The following DPAGT1 variants were observed in gnomAD, a reference collection of about 807,000 sequenced individuals.
The protein encoded by DPAGT1 is dolichyl-phosphate N-acetylglucosaminephosphotransferase 1.
In DPAGT1, 25 loss-of-function variants were observed where a neutral mutation model predicts 39.3. The observed-to-expected ratio is 0.64, with a 90% confidence interval of 0.46 to 0.89. The LOEUF (loss-of-function observed/expected upper bound fraction) is 0.89. DPAGT1 is among the 40% of genes least tolerant of loss of function. The probability of loss-of-function intolerance (pLI) is 0.00; values close to 1 mark genes in which losing one functional copy is unlikely to be tolerated. For synonymous variants in DPAGT1, 193 were observed against 201.4 expected, an observed-to-expected ratio of 0.96 and a Z score of 0.36; for missense variants, 381 against 500.6, an observed-to-expected ratio of 0.76 and a Z score of 2.28.
At position 119,097,285 on chromosome 11, in the gene DPAGT1, G is replaced by A. The variant is rs376996734; in HGVS notation, c.1018C>T (p.Leu340Phe). The A allele has an allele frequency of 5.6e-6, 9 of 1,614,092 alleles. No individual in the cohort carries two copies. The South Asian group carries it at 6.6e-5, about 12-fold the overall frequency. Residue 340 changes from leucine (L) to phenylalanine (F), a missense_variant, in exon 8 of 9, where the codon CTC becomes TTC. Coordinates refer to ENST00000354202, the MANE Select transcript of DPAGT1 (RefSeq NM_001382.4). This position sits in a 1 kb window ranked among gnomAD's most constrained non-coding sequence, Gnocchi z 4.6. The part of the protein sequence containing the change: ...GTFILKVAES[L>F]QLVTVHQSET... The stretch of plus-strand genomic sequence containing the variant: ...CTCTGGTGTACTGTCACCAGCTGGA[G>A]GCTCTCTGCCACCTGGAGGGACCAG...
In DPAGT1 at chr11:119,101,594, C is replaced by T; in HGVS notation, c.62G>A (p.Gly21Glu). The change falls in exon 1 of 9, where the codon GGA becomes GAA. Residue 21 changes from glycine to glutamate, a missense_variant. Physicochemically the swap from Gly to Glu is moderately conservative, Grantham distance 98. Transcript: ENST00000354202. ...GATGAGGGTGACTGTGGCCACAAATCCCAGCAGCGAGACGATCAAATTGAT... is the reference window on the plus strand; with the variant it reads ...GATGAGGGTGACTGTGGCCACAAATTCCAGCAGCGAGACGATCAAATTGAT... The part of the protein sequence containing the change: ...LLINLIVSLL[G>E]FVATVTLIPA... 6.2e-7 allele frequency: 1 copy of T among 1,614,270 alleles called. No individual in the cohort carries two copies. The highest frequency in any genetic ancestry group is 1.1e-5 in the South Asian group (1 of 91,090).
downstream of DPAGT1, chr11:119,095,320 C>T (rs1458536472): frequency 3.7e-6 from 6 of 1,606,480 alleles, no homozygotes; most frequent in South Asian, 1.1e-5. Context: ...CCACTGGGAA[C>T]TGGAGGCCGG....
chr11:119,094,757 G>T, downstream of DPAGT1: 2 of 541,334 alleles, frequency 3.7e-6, no homozygotes, highest in South Asian at 2.7e-5. Context: ...GACGCGGCAG[G>T]CGGTGCGGGA....
Position 119,101,568 on chromosome 11 carries a change from G to A in DPAGT1, c.88C>T (p.Pro30Ser), listed in dbSNP as rs1393162163. 1 of 1,614,254 alleles carries A rather than the reference G, an allele frequency of 6.2e-7. No individual in the cohort carries two copies. The highest frequency in any genetic ancestry group is 8.5e-7 in the Non-Finnish European group (1 of 1,180,050). The change falls in exon 1 of 9, where the codon CCG becomes TCG. Residue 30 changes from proline (P) to serine (S), a missense_variant. Coordinates refer to ENST00000354202, the MANE Select transcript of DPAGT1 (RefSeq NM_001382.4). ...GCAATGAAGTGGCCCCGGAAGGCCG[G>A]GATGAGGGTGACTGTGGCCACAAAT... is the stretch of plus-strand genomic sequence containing the variant. ...LGFVATVTLIPAFRGHFIAAR... is the reference protein window; with the variant it reads ...LGFVATVTLISAFRGHFIAAR...
At chr11:119,100,080 G>A (rs1485387364) in intron 4 of DPAGT1, among the ~76,000 whole-genome samples, 182 bp downstream of exon 4, 2 of 152,078 alleles carry the variant, frequency 1.3e-5, no homozygotes, top group Non-Finnish European at 2.9e-5. Flanking sequence ...TAAATGACAG[G>A]GCTACTATTT....
At position 119,097,186 on chromosome 11, in the gene DPAGT1, G is replaced by A. The variant is rs1210999092; in HGVS notation, c.1117C>T (p.Pro373Ser). Residue 373 changes from proline to serine, a missense_variant, in exon 8 of 9, where the codon CCC (proline) becomes TCC (serine). Transcript: ENST00000354202. The surrounding 1 kb of genome is among the most constrained non-coding windows in gnomAD (Gnocchi z 4.6). ...AATGTGAGGTTTCTCTCATGTATGG[G>A]CCCAAGGACTTTAAGTAGCAAGTTG... is the stretch of plus-strand genomic sequence containing the variant. ...LINLLLKVLG[P>S]IHERNLTLLL... 4 of 1,614,152 alleles carry A rather than the reference G, an allele frequency of 2.5e-6. No individual in the cohort carries two copies. Among genetic ancestry groups the A allele is most frequent in the Non-Finnish European group, 2.5e-6 (3 of 1,180,010 alleles).
rs1313574453 is a variant in DPAGT1, at chr11:119,100,337, T to C, written c.568A>G (p.Ile190Val). The change falls in exon 4 of 9, where the codon ATT becomes GTT. Residue 190 changes from isoleucine (I) to valine (V), a missense_variant. By Grantham distance (29) the Ile-to-Val change is conservative (BLOSUM62 3). Transcript: ENST00000354202. ...CTNAINILAG[I>V]NGLEAGQSLV... Reference sequence around the variant, plus strand: ...GACTGGCCAGCCTCTAGGCCGTTAATTCCTGCTAGGATATTGATGGCATTG... The same window carrying C: ...GACTGGCCAGCCTCTAGGCCGTTAACTCCTGCTAGGATATTGATGGCATTG... The C allele has an allele frequency of 6.2e-7, 1 of 1,614,222 alleles. No homozygotes were observed. The highest frequency in any genetic ancestry group is 1.3e-5 in the African/African-American group (1 of 75,050).
rs1391922427 is a variant in DPAGT1 at position 119,101,058 on chromosome 11, C to A, written c.242G>T (p.Cys81Phe). ...FCFIPFPFLN[C>F]FVKEQCKAFP... ...TGCCTTACACTGCTCCTTCACAAAG[C>A]AGTTCAGGAAGGGGAAAGGGATGAA... Residue 81 changes from cysteine (C) to phenylalanine (F), a missense_variant, in exon 2 of 9, where the codon TGC becomes TTC. Coordinates refer to ENST00000354202, the MANE Select transcript of DPAGT1 (RefSeq NM_001382.4). 7 of 1,614,144 alleles carry A rather than the reference C, an allele frequency of 4.3e-6. No individual in the cohort carries two copies. Among genetic ancestry groups the A allele is most frequent in the Non-Finnish European group, 5.9e-6 (7 of 1,180,038 alleles).
rs1442294688 is a variant in DPAGT1, at chr11:119,100,279, T to G, written c.626A>C (p.Asn209Thr). 1 of 1,614,172 alleles carries G rather than the reference T, an allele frequency of 6.2e-7. No individual in the cohort carries two copies. The highest frequency in any genetic ancestry group is 8.5e-7 in the Non-Finnish European group (1 of 1,180,032). Residue 209 changes from asparagine (N) to threonine (T), a missense_variant, in exon 4 of 9, where the codon AAC becomes ACC. Asn to Thr is a moderately conservative substitution (Grantham distance 65). Coordinates refer to ENST00000354202, the MANE Select transcript of DPAGT1 (RefSeq NM_001382.4). ...LVISASIIVF[N>T]LVELEGDCRD... The stretch of plus-strand genomic sequence containing the variant: ...CCACCTACCTTCCAACTCTACCAGG[T>G]TGAAGACAATGATGGAAGCAGAAAT...
intron 5 of DPAGT1, 149 bp from the exon 6 acceptor site, chr11:119,098,192 G>T: frequency 8.3e-7 from 1 of 1,199,692 alleles, no homozygotes; most frequent in Non-Finnish European, 1.2e-6. Flanking sequence ...AGGATCCAAG[G>T]CCCTGAATTC....
Position 119,101,685 on chromosome 11 carries a change from C to G in DPAGT1, c.-30G>C. 1 of 1,614,150 alleles carries G rather than the reference C, an allele frequency of 6.2e-7. No individual in the cohort carries two copies. Among genetic ancestry groups the G allele is most frequent in the Non-Finnish European group, 8.5e-7 (1 of 1,180,008 alleles). On this transcript the variant is annotated 5_prime_UTR_variant, in exon 1 of 9. Transcript: ENST00000354202. ...ACCGGTCAGGGGCCCGGCTCCGCCG[C>G]CTCTTCAGGTAACGGGCAAGCTGAG...
In DPAGT1 at chr11:119,100,728, G is replaced by C. The variant is rs1315559074; in HGVS notation, c.398C>G (p.Ser133Ter). 1.2e-6 allele frequency: 2 copies of C among 1,614,198 alleles called. No homozygotes were observed. The highest frequency in any genetic ancestry group is 1.7e-6 in the Non-Finnish European group (2 of 1,180,028). ...GAAATAGACCATGAGGAGAGGTAGT[G>C]AGGCAGCTGTAGGTAGCAGCAGCTT... ...RHKLLLPTAA[S>*]LPLLMVYFTN... is the part of the protein sequence containing the mutation. Residue 133 changes from serine to a stop codon, truncating the protein, a stop_gained, in exon 3 of 9, where the codon TCA becomes TGA. Coordinates refer to ENST00000354202, the MANE Select transcript of DPAGT1 (RefSeq NM_001382.4). LOFTEE classifies it high-confidence loss of function.
At chr11:119,095,524 C>T, downstream of DPAGT1, 1 of 1,022,458 alleles carries the variant, frequency 9.8e-7, no homozygotes, top group Non-Finnish European at 1.4e-6. Flanking sequence ...TCTGCGCCCT[C>T]CTGATTGGCT....
chr11:119,101,395 G>A lies in DPAGT1; in HGVS notation c.161+100C>T, dbSNP rs1013924771. On this transcript the variant is annotated intron_variant, in intron 1 of 8. Coordinates refer to ENST00000354202, the MANE Select transcript of DPAGT1 (RefSeq NM_001382.4). ...GTTCCAGGCTGCCTGGGTTAGTTCT[G>A]AGTCTTCACGTGTGGTCAAGCACCC... is the stretch of plus-strand genomic sequence containing the variant. The A allele has an allele frequency of 2.2e-5, 36 of 1,602,654 alleles. No individual in the cohort carries two copies. The East Asian group carries it at 6.9e-4, about 31-fold the overall frequency.
downstream of DPAGT1, chr11:119,094,894 T>G: frequency 4.3e-6 from 6 of 1,411,758 alleles, no homozygotes; most frequent in Non-Finnish European, 5.7e-6. Context: ...ATGAGGGCGG[T>G]GGTGGCCCTT....
downstream of DPAGT1, chr11:119,095,009 G>A (rs886187390): frequency 1.9e-6 from 3 of 1,612,816 alleles, no homozygotes; most frequent in Non-Finnish European, 2.5e-6. Flanking sequence ...GCCCGAGGGC[G>A]CCTTCGGCCC....
chr11:119,100,010 G>A (rs1302430273), intron 4 of DPAGT1, among the ~76,000 whole-genome samples: 1 of 152,120 alleles, frequency 6.6e-6, no homozygotes, highest in Admixed American at 6.5e-5. Flanking sequence ...GGGGTTCTGT[G>A]AAACTGTTTA....
chr11:119,101,570 A>G lies in DPAGT1; in HGVS notation c.86T>C (p.Ile29Thr). The change falls in exon 1 of 9, where the codon ATC becomes ACC. Residue 29 changes from isoleucine (I) to threonine (T), a missense_variant. Physicochemically the swap from Ile to Thr is moderately conservative, Grantham distance 89. Transcript: ENST00000354202. ...AATGAAGTGGCCCCGGAAGGCCGGG[A>G]TGAGGGTGACTGTGGCCACAAATCC... is the stretch of plus-strand genomic sequence containing the variant. ...LLGFVATVTL[I>T]PAFRGHFIAA... 1 of 1,614,216 alleles carries G rather than the reference A, an allele frequency of 6.2e-7. No homozygotes were observed. The highest frequency in any genetic ancestry group is 8.5e-7 in the Non-Finnish European group (1 of 1,180,038).
chr11:119,095,765 G>A (rs545752218), downstream of DPAGT1, among the ~76,000 whole-genome samples: 3 of 152,218 alleles, frequency 2.0e-5, no homozygotes, highest in South Asian at 4.1e-4. Flanking sequence ...GAAGACCAAA[G>A]GGGTGGAGTC....
Sources: allele counts gnomAD v4.1 joint callset (sites outside exome capture counted in the v4.1 genomes callset), GRCh38; gene constraint gnomAD v4.1.1; non-coding constraint Gnocchi (gnomAD v3.1); transcripts MANE v1.5; gene names NCBI Gene and HGNC (gene_info 2026-07-23, HGNC 2026-07-21).